KCNB2: variants seen among roughly 807,000 people sequenced by gnomAD.
The protein encoded by KCNB2 is delayed rectifier potassium channel protein.
Under a neutral mutation model 61.5 loss-of-function variants are expected in KCNB2, and 15 were observed. The ratio of observed to expected loss-of-function variants is 0.24; its 90% CI spans 0.16 to 0.38. The LOEUF is 0.38. Ranked by LOEUF, KCNB2 falls within the 10% of genes least tolerant of loss-of-function variation. The probability of loss-of-function intolerance (pLI) is 1.00; values close to 1 mark genes in which losing one functional copy is unlikely to be tolerated. For synonymous variants in KCNB2, 457 were observed against 446.0 expected, an observed-to-expected ratio of 1.02 and a Z score of -0.31; for missense variants, 828 against 1,125.2, an observed-to-expected ratio of 0.74 and a Z score of 3.78.
chr8:72,777,367 G>A (rs542045602), intron 2 of KCNB2, among the ~76,000 whole-genome samples: 4 of 152,278 alleles, frequency 2.6e-5, no homozygotes, highest in South Asian at 2.1e-4. Flanking sequence ...GGGTGATGAC[G>A]TTTTCTTGAA....
rs566956838 is a variant in KCNB2 at position 72,813,321 on chromosome 8, G to A, written c.580-122614G>A. Among the ~76,000 whole-genome samples the A allele has an allele frequency of 4.0e-5, 6 of 150,370 alleles. No individual in the cohort carries two copies. The South Asian group carries it at 1.3e-3, about 32-fold the overall frequency. ...CTCTGCTGCTGAAGTTCCTGTTGTA[G>A]TCTGAAGACTTTTTTTTTTCAATTA... On this transcript the variant is annotated intron_variant, in intron 2 of 2. Transcript: ENST00000523207.
intron 2 of KCNB2, among the ~76,000 whole-genome samples, chr8:72,664,614 T>G (rs1328042402): frequency 1.3e-5 from 2 of 152,208 alleles, no homozygotes; most frequent in African/African-American, 2.4e-5. Flanking sequence ...AGAAAGCATC[T>G]CTTTCATTAT....
At chr8:72,838,428 C>A (rs920982995) in intron 2 of KCNB2, among the ~76,000 whole-genome samples, 7 of 152,170 alleles carry the variant, frequency 4.6e-5, no homozygotes, top group African/African-American at 1.7e-4. Context: ...CATGTCCCTG[C>A]AAAGGACATG....
intron 2 of KCNB2, among the ~76,000 whole-genome samples, chr8:72,867,873 T>C (rs1195215277): frequency 4.6e-5 from 7 of 152,168 alleles, no homozygotes; most frequent in Non-Finnish European, 7.3e-5. Context: ...GGCCACTCGC[T>C]GTAGATAGAT....
intron 2 of KCNB2, chr8:72,881,672 G>T (rs1207132941): frequency 6.7e-6 from 1 of 150,182 alleles, no homozygotes; most frequent in Admixed American, 6.7e-5. Context: ...TGTTAATATT[G>T]GCAATCTTTT....
At chr8:72,608,734 C>T (rs1178919556) in intron 2 of KCNB2, among the ~76,000 whole-genome samples, 1 of 152,102 alleles carries the variant, frequency 6.6e-6, no homozygotes, top group African/African-American at 2.4e-5. Flanking sequence ...AAGAATGTCT[C>T]AGAAAGCAAG....
intron 2 of KCNB2, among the ~76,000 whole-genome samples, chr8:72,772,359 C>T (rs1424931803): frequency 6.6e-6 from 1 of 152,210 alleles, no homozygotes; most frequent in Non-Finnish European, 1.5e-5. Flanking sequence ...CAGCCATTAG[C>T]ATCCAGTCAT....
intron 2 of KCNB2, among the ~76,000 whole-genome samples, chr8:72,822,565 AT>A (rs1282404465): frequency 6.6e-6 from 1 of 152,138 alleles, no homozygotes. Context: ...GCCATGATTC[AT>A]CATTCATTCT....
chr8:72,837,801 A>G (rs907616606), intron 2 of KCNB2, among the ~76,000 whole-genome samples: 3 of 149,782 alleles, frequency 2.0e-5, no homozygotes, highest in Non-Finnish European at 4.4e-5. Context: ...CAGGCACTTT[A>G]AAGTACTTCC....
In KCNB2 at chr8:72,850,097, C is replaced by G. The variant is rs141882892; in HGVS notation, c.580-85838C>G. Reference sequence around the variant, plus strand: ...ATTAAACACAATAACAGGAAATTTTCAGGGATGTTTGTATATAGATCTAAT... The same window carrying G: ...ATTAAACACAATAACAGGAAATTTTGAGGGATGTTTGTATATAGATCTAAT... On this transcript the variant is annotated intron_variant, in intron 2 of 2. Coordinates refer to ENST00000523207, the MANE Select transcript of KCNB2 (RefSeq NM_004770.3). 4.9e-4 allele frequency among the ~76,000 whole-genome samples: 75 copies of G among 152,002 alleles called. 1 individual carries two copies. Among genetic ancestry groups the G allele is most frequent in the African/African-American group, 1.6e-3 (66 of 41,436 alleles).
At chr8:72,682,940 T>A (rs528903791) in intron 2 of KCNB2, among the ~76,000 whole-genome samples, 119 of 152,290 alleles carry the variant, frequency 7.8e-4, no homozygotes, top group Non-Finnish European at 6.2e-4. Flanking sequence ...CTAGGCAACT[T>A]TGATAAAATA....
chr8:72,551,425 G>A (rs946002250), intron 1 of KCNB2, among the ~76,000 whole-genome samples: 9 of 152,172 alleles, frequency 5.9e-5, no homozygotes, highest in African/African-American at 1.7e-4. Context: ...GCCCCTTGTC[G>A]CCAGCATCGT....
At chr8:72,557,423 A>T (rs1275449469) in intron 1 of KCNB2, among the ~76,000 whole-genome samples, 1 of 151,990 alleles carries the variant, frequency 6.6e-6, no homozygotes, top group Non-Finnish European at 1.5e-5. Flanking sequence ...TTATTTTTTA[A>T]TTGGTGAAAA....
chr8:72,538,628 T>C (rs1806148674), intron 1 of KCNB2, among the ~76,000 whole-genome samples: 1 of 152,224 alleles, frequency 6.6e-6, no homozygotes, highest in African/African-American at 2.4e-5. Context: ...TAATAATGCA[T>C]ACAAGATTAC....
chr8:72,625,707 G>A (rs190665614), intron 2 of KCNB2, among the ~76,000 whole-genome samples: 24 of 152,208 alleles, frequency 1.6e-4, no homozygotes, highest in Admixed American at 1.1e-3. Context: ...CTGGGATTGC[G>A]GGCATGAGCC....
At chr8:72,929,059 G>T (rs1162586815) in intron 2 of KCNB2, among the ~76,000 whole-genome samples, 1 of 152,076 alleles carries the variant, frequency 6.6e-6, no homozygotes, top group Non-Finnish European at 1.5e-5. Context: ...GCATGATCCA[G>T]TATGAGCCTT....
intron 1 of KCNB2, among the ~76,000 whole-genome samples, chr8:72,563,458 T>G (rs1806568419): frequency 6.6e-6 from 1 of 152,126 alleles, no homozygotes; most frequent in Non-Finnish European, 1.5e-5. Flanking sequence ...ATTTTCAGCC[T>G]AGGAGGCCTC....
chr8:72,684,614 A>G (rs560517054), intron 2 of KCNB2, among the ~76,000 whole-genome samples: 69 of 152,338 alleles, frequency 4.5e-4, no homozygotes, highest in African/African-American at 1.5e-3. Context: ...TAGAGATTCA[A>G]TTATGTCCTT....
At chr8:72,717,003 T>C (rs1440286202) in intron 2 of KCNB2, among the ~76,000 whole-genome samples, 3 of 151,830 alleles carry the variant, frequency 2.0e-5, no homozygotes, top group Admixed American at 2.0e-4. Context: ...ATCACAAGCA[T>C]TCTTATACAC....
Sources: allele counts gnomAD v4.1 joint callset (sites outside exome capture counted in the v4.1 genomes callset), GRCh38; gene constraint gnomAD v4.1.1; transcripts MANE v1.5; gene names NCBI Gene and HGNC (gene_info 2026-07-23, HGNC 2026-07-21).